The following STAT2 variants were observed in gnomAD, a reference collection of about 807,000 sequenced individuals.
STAT2 encodes interferon alpha induced transcriptional activator.
In STAT2, 51 loss-of-function variants were observed where a neutral mutation model predicts 122.3. The ratio of observed to expected loss-of-function variants is 0.42; its 90% CI spans 0.33 to 0.53. The LOEUF (loss-of-function observed/expected upper bound fraction) is 0.53, where lower values mean the gene tolerates loss of function less well. Among genes scored for constraint, STAT2 ranks in the 20% least tolerant of loss-of-function variants. The pLI, the probability that STAT2 is intolerant of heterozygous loss-of-function variation, is 0.10. For missense variants in STAT2, 736 were observed against 1,010.3 expected (o/e 0.73, Z 3.68); for synonymous variants, 351 against 394.9 (o/e 0.89, Z 1.32).
chr12:56,358,775 A>G (rs769718972), intron 1 of STAT2, among the ~76,000 whole-genome samples: 1 of 152,196 alleles, frequency 6.6e-6, no homozygotes, highest in Non-Finnish European at 1.5e-5. Context: ...TGTTGCCTGT[A>G]ATCCCAGCTA....
At chr12:56,355,248 T>G (rs774794806) in intron 6 of STAT2, 28 bp downstream of exon 6, 2 of 1,613,820 alleles carry the variant, frequency 1.2e-6, no homozygotes, top group South Asian at 2.2e-5. Context: ...GCACTTATCT[T>G]TCTCCAGCCC....
intron 22 of STAT2, 35 bp from the exon 23 acceptor site, chr12:56,344,170 C>T (rs1294446326): frequency 6.5e-6 from 10 of 1,530,278 alleles, no homozygotes; most frequent in Non-Finnish European, 8.8e-6. Flanking sequence ...GGGCAGGGCT[C>T]AGTGGTTCAA....
chr12:56,354,436 G>A lies in STAT2; in HGVS notation c.782+30C>T, dbSNP rs777946212. On this transcript the variant is annotated intron_variant, in intron 8 of 23. Coordinates refer to ENST00000314128, the MANE Select transcript of STAT2 (RefSeq NM_005419.4). ...CAACTTACAAATCACAGCGCATGGC[G>A]AGGACGAGGGTTGGGGTGGTACCTC... 7.4e-6 allele frequency: 12 copies of A among 1,613,550 alleles called. No individual in the cohort carries two copies. The African/African-American group carries it at 8.0e-5, about 11-fold the overall frequency.
chr12:56,345,806 T>C (rs1401089003), intron 22 of STAT2, among the ~76,000 whole-genome samples: 2 of 149,222 alleles, frequency 1.3e-5, no homozygotes, highest in Non-Finnish European at 3.0e-5. Flanking sequence ...AAAAGCTCCA[T>C]GCTTGCATCA....
At position 56,341,961 on chromosome 12, in the gene STAT2, C is replaced by T. The variant is rs1346942767; in HGVS notation, c.*1428G>A. On this transcript the variant is annotated 3_prime_UTR_variant, in exon 24 of 24. Coordinates refer to ENST00000314128, the MANE Select transcript of STAT2 (RefSeq NM_005419.4). The stretch of plus-strand genomic sequence containing the variant: ...ATAGAGAAAGAGCTAAGACCCATTG[C>T]TTCTCCTCTGTAAAAACACCAAACT... The T allele has an allele frequency of 6.6e-6, 1 of 152,188 alleles. No individual in the cohort carries two copies. Among genetic ancestry groups the T allele is most frequent in the African/African-American group, 2.4e-5 (1 of 41,436 alleles). The allele number at this position is 152,188 out of a possible 1,614,324, so 9.4% of individuals were successfully genotyped here. A position where few individuals can be genotyped will look rare whatever the true frequency, so the allele number is the denominator to read the frequency against.
Position 56,343,946 on chromosome 12 carries a change from C to T in STAT2, c.2292G>A (p.Glu764=). 1.2e-6 allele frequency: 2 copies of T among 1,614,180 alleles called. No individual in the cohort carries two copies. The highest frequency in any genetic ancestry group is 2.2e-5 in the East Asian group (1 of 44,890). ...VLESTLEPVI[E]PTLCMVSQTV... is the part of the protein sequence containing the mutation. ...TTTGTGATACCATGCATAGTGTGGG[C>T]TCTATCACAGGCTCCAGAGTGGACT... The change falls in exon 23 of 24, where the codon GAG becomes GAA. Residue 764 remains glutamate, a synonymous_variant. Transcript: ENST00000314128.
intron 1 of STAT2, among the ~76,000 whole-genome samples, chr12:56,359,366 C>A (rs1880021343): frequency 6.6e-6 from 1 of 152,174 alleles, no homozygotes; most frequent in African/African-American, 2.4e-5. Flanking sequence ...ATGGCTTGAG[C>A]CCAGGAGTTT....
At chr12:56,354,118 T>A (rs1205950035) in intron 8 of STAT2, among the ~76,000 whole-genome samples, 1 of 142,010 alleles carries the variant, frequency 7.0e-6, no homozygotes, top group African/African-American at 2.5e-5. Context: ...TTTTGTTTAA[T>A]AAGCTAGGTA....
At position 56,343,433 on chromosome 12, in the gene STAT2, T is replaced by C; in HGVS notation, c.2512A>G (p.Ser838Gly). 1 of 1,614,196 alleles carries C rather than the reference T, an allele frequency of 6.2e-7. No individual in the cohort carries two copies. Among genetic ancestry groups the C allele is most frequent in the South Asian group, 1.1e-5 (1 of 91,088 alleles). The change falls in exon 24 of 24, where the codon AGC (serine) becomes GGC (glycine). Residue 838 changes from serine (S) to glycine (G), a missense_variant. Coordinates refer to ENST00000314128, the MANE Select transcript of STAT2 (RefSeq NM_005419.4). ...AAGGGTCCATCAGTGTAGAAGTGGC[T>C]GGGGCGGGAGACGTAAACCTCATCC... ...TVDEVYVSRP[S>G]HFYTDGPLMP...
In STAT2 at chr12:56,349,068, G is replaced by T; in HGVS notation, c.1441-9C>A. ...GAGAAGAACTGCTGGTTCTGCAGGG[G>T]TGGGAGCAGTGTAGGCTGGCTCAGA... On this transcript the variant is annotated splice_polypyrimidine_tract_variant and intron_variant, in intron 16 of 23. Coordinates refer to ENST00000314128, the MANE Select transcript of STAT2 (RefSeq NM_005419.4). 1 of 1,613,164 alleles carries T rather than the reference G, an allele frequency of 6.2e-7. No individual in the cohort carries two copies. The highest frequency in any genetic ancestry group is 1.3e-5 in the African/African-American group (1 of 75,006).
In STAT2 at chr12:56,354,180, C is replaced by A. The variant is rs753361002; in HGVS notation, c.782+286G>T. ...TTCCTTCCTTTCTTGTCATTGTATT[C>A]GTTGCAGTAAAAAAAAAAATACATA... On this transcript the variant is annotated intron_variant, in intron 8 of 23. Coordinates refer to ENST00000314128, the MANE Select transcript of STAT2 (RefSeq NM_005419.4). Among the ~76,000 whole-genome samples the A allele has an allele frequency of 2.1e-5, 3 of 145,722 alleles. No individual in the cohort carries two copies. In the East Asian group the frequency reaches 6.0e-4, roughly 29 times the overall value.
chr12:56,354,910 T>C, intron 6 of STAT2, 47 bp from the exon 7 acceptor site: 3 of 1,574,726 alleles, frequency 1.9e-6, no homozygotes, highest in Non-Finnish European at 1.7e-6. Flanking sequence ...TTCCTCTCCT[T>C]CCTGACTGGG....
chr12:56,351,452 T>C lies in STAT2; in HGVS notation c.783-2A>G. 1 of 1,611,330 alleles carries C rather than the reference T, an allele frequency of 6.2e-7. No individual in the cohort carries two copies. Among genetic ancestry groups the C allele is most frequent in the Non-Finnish European group, 8.5e-7 (1 of 1,179,088 alleles). ...AACAGCTTTGCTCCAGCTGTGAACC[T>C]GGGTGATAAAATTCAGGAAGAAGGA... On this transcript the variant is annotated splice_acceptor_variant, in intron 8 of 23. Coordinates refer to ENST00000314128, the MANE Select transcript of STAT2 (RefSeq NM_005419.4). LOFTEE classifies it high-confidence loss of function.
At chr12:56,346,014 G>A in intron 22 of STAT2, 132 bp downstream of exon 22, 3 of 1,577,860 alleles carry the variant, frequency 1.9e-6, no homozygotes, top group Non-Finnish European at 2.6e-6. Flanking sequence ...AGAGGCTGTG[G>A]GAATGGCAGG....
rs182566347 is a variant in STAT2, at chr12:56,344,878, C to T, written c.2103-743G>A. ...AAATTAGCCAGGTGTGGTGGTTGTG[C>T]GCGCTTGTAGTCCCAGCTACTCAGG... On this transcript the variant is annotated intron_variant, in intron 22 of 23. Transcript: ENST00000314128. 3.5e-3 allele frequency among the ~76,000 whole-genome samples: 529 copies of T among 152,194 alleles called. 5 individuals are homozygous for T. The highest frequency in any genetic ancestry group is 0.012 in the African/African-American group (505 of 41,536).
chr12:56,357,300 A>C lies in STAT2; in HGVS notation c.-7-722T>G, dbSNP rs186724135. Among the ~76,000 whole-genome samples, 7 of 151,974 alleles carry C rather than the reference A, an allele frequency of 4.6e-5. No homozygotes were observed. The East Asian group carries it at 1.4e-3, about 29-fold the overall frequency. ...GGTGATCCACCTACTTCGGACTCCC[A>C]AAGTACTAGGATTACAGGCATGAGC... is the stretch of plus-strand genomic sequence containing the variant. On this transcript the variant is annotated intron_variant, in intron 1 of 23. Transcript: ENST00000314128.
Position 56,349,006 on chromosome 12 carries a change from A to G in STAT2, c.1494T>C (p.Pro498=). Residue 498 remains proline (P), a synonymous_variant, in exon 17 of 24, where the codon CCT becomes CCC. Coordinates refer to ENST00000314128, the MANE Select transcript of STAT2 (RefSeq NM_005419.4). ...PPKAPWSLLG[P]ALSWQFSSYV... is the part of the protein sequence containing the mutation. ...AGGAGGAGAACTGCCAACTGAGAGC[A>G]GGGCCCAGCAAGCTCCAGGGGGCCT... 1 of 1,613,968 alleles carries G rather than the reference A, an allele frequency of 6.2e-7. No homozygotes were observed. The highest frequency in any genetic ancestry group is 8.5e-7 in the Non-Finnish European group (1 of 1,179,976).
chr12:56,355,941 C>T lies in STAT2; in HGVS notation c.286-138G>A. ...GCCCTTTGTCTTTTCACCATAGCATCCTCCCAACAGTGTCACGTATATGCA... is the reference window on the plus strand; with the variant it reads ...GCCCTTTGTCTTTTCACCATAGCATTCTCCCAACAGTGTCACGTATATGCA... On this transcript the variant is annotated intron_variant, in intron 3 of 23. Transcript: ENST00000314128. 5.0e-6 allele frequency: 6 copies of T among 1,203,126 alleles called. No individual in the cohort carries two copies. The South Asian group carries it at 7.0e-5, about 14-fold the overall frequency. 74.5% of individuals were successfully genotyped at this position (1,203,126 alleles called of 1,614,324 possible). A position where few individuals can be genotyped will look rare whatever the true frequency, so the allele number is the denominator to read the frequency against.
Position 56,349,222 on chromosome 12 carries a change from G to C in STAT2, c.1381C>G (p.Gln461Glu). 6.2e-7 allele frequency: 1 copy of C among 1,614,190 alleles called. No individual in the cohort carries two copies. Among genetic ancestry groups the C allele is most frequent in the Non-Finnish European group, 8.5e-7 (1 of 1,180,036 alleles). The stretch of plus-strand genomic sequence containing the variant: ...ACTGAAGCCCAGGCAATTGAGAGCT[G>C]GTTCATGTTGGAAATAATCACCACA... The part of the protein sequence containing the change: ...LPVVIISNMN[Q>E]LSIAWASVLW... The change falls in exon 16 of 24, where the codon CAG becomes GAG. Residue 461 changes from glutamine to glutamate, a missense_variant. Coordinates refer to ENST00000314128, the MANE Select transcript of STAT2 (RefSeq NM_005419.4).
Sources: gnomAD v4.1 joint callset for allele counts (sites outside exome capture counted in the v4.1 genomes callset) on GRCh38, gnomAD v4.1.1 for gene constraint, MANE v1.5 for transcripts, NCBI Gene and HGNC (gene_info 2026-07-23, HGNC 2026-07-21) for gene names.